FHIT: variants seen among roughly 807,000 people sequenced by gnomAD.
FHIT encodes bis(5'-adenosyl)-triphosphatase.
A neutral mutation model predicts 17.9 loss-of-function variants in FHIT; 19 were observed. The observed-to-expected ratio is 1.06, with a 90% CI of 0.74 to 1.56. The LOEUF (loss-of-function observed/expected upper bound fraction) is 1.56. FHIT is among the 40% of genes most tolerant of loss of function. The pLI, the probability that FHIT is intolerant of heterozygous loss-of-function variation, is 0.00. For missense variants in FHIT, 248 were observed against 189.2 expected, an observed-to-expected ratio of 1.31 and a Z score of -1.82; for synonymous variants, 81 against 69.7, an observed-to-expected ratio of 1.16 and a Z score of -0.81.
chr3:60,700,303 A>G (rs2107906896), intron 4 of FHIT, among the ~76,000 whole-genome samples: 1 of 152,302 alleles, frequency 6.6e-6, no homozygotes, highest in East Asian at 1.9e-4. Context: ...GTTTCATACC[A>G]GTACATACAA....
At chr3:59,813,478 G>A (rs549933707) in intron 8 of FHIT, among the ~76,000 whole-genome samples, 2 of 152,258 alleles carry the variant, frequency 1.3e-5, no homozygotes, top group African/African-American at 4.8e-5. Context: ...TTCCTGGAAC[G>A]CTTACTTAAT....
chr3:60,075,217 G>C (rs775079759), intron 5 of FHIT, among the ~76,000 whole-genome samples: 1 of 152,070 alleles, frequency 6.6e-6, no homozygotes, highest in Non-Finnish European at 1.5e-5. Flanking sequence ...CCTGTCAGGA[G>C]AACCAATGGA....
intron 1 of FHIT, among the ~76,000 whole-genome samples, chr3:61,202,067 T>TAC (rs143994045): frequency 0.12 from 17,385 of 148,648 alleles, 1,108 homozygotes; most frequent in South Asian, 0.22. Flanking sequence ...CGCACATAGA[T>TAC]ACACACACAC....
chr3:60,908,404 A>G (rs1474834467), intron 3 of FHIT, among the ~76,000 whole-genome samples: 3 of 152,210 alleles, frequency 2.0e-5, no homozygotes, highest in Non-Finnish European at 4.4e-5. Context: ...CCATTTCCTC[A>G]GTAGGTAGCC....
At chr3:60,441,037 C>A (rs754903585) in intron 5 of FHIT, among the ~76,000 whole-genome samples, 1 of 151,972 alleles carries the variant, frequency 6.6e-6, no homozygotes, top group Non-Finnish European at 1.5e-5. Flanking sequence ...GCATGTTCAC[C>A]CCTTTTGTTT....
intron 4 of FHIT, among the ~76,000 whole-genome samples, chr3:60,619,082 GCA>G (rs1455599675): frequency 2.0e-5 from 3 of 150,960 alleles, no homozygotes; most frequent in African/African-American, 7.4e-5. Flanking sequence ...ATTTGTTACA[GCA>G]GCAAAGATTA....
At chr3:60,039,859 C>G (rs886443031) in intron 5 of FHIT, among the ~76,000 whole-genome samples, 5 of 152,164 alleles carry the variant, frequency 3.3e-5, no homozygotes, top group African/African-American at 1.2e-4. Context: ...ATTAACCTGT[C>G]AGAGTCTAAA....
At chr3:60,325,028 T>C (rs906082819) in intron 5 of FHIT, among the ~76,000 whole-genome samples, 4 of 152,158 alleles carry the variant, frequency 2.6e-5, no homozygotes, top group African/African-American at 9.7e-5. Flanking sequence ...ACTGTGCTAA[T>C]ATATCCCTGG....
chr3:60,719,178 T>C (rs190195166), intron 4 of FHIT, among the ~76,000 whole-genome samples: 1 of 152,304 alleles, frequency 6.6e-6, no homozygotes, highest in East Asian at 1.9e-4. Flanking sequence ...CAAGAAACAC[T>C]AAATAAGAAC....
chr3:60,323,574 A>C (rs968277527), intron 5 of FHIT, among the ~76,000 whole-genome samples: 1 of 152,118 alleles, frequency 6.6e-6, no homozygotes, highest in Admixed American at 6.5e-5. Context: ...CCACAGGGAG[A>C]GGAGGAAATC....
chr3:60,128,214 A>T (rs1480116008), intron 5 of FHIT, among the ~76,000 whole-genome samples: 1 of 152,158 alleles, frequency 6.6e-6, no homozygotes, highest in Non-Finnish European at 1.5e-5. Context: ...CTCATCTTGA[A>T]TTGTAGTTCC....
chr3:59,780,604 G>A (rs1272162796), intron 8 of FHIT, among the ~76,000 whole-genome samples: 2 of 152,162 alleles, frequency 1.3e-5, no homozygotes, highest in Admixed American at 6.5e-5. Flanking sequence ...TAGGGCCTTC[G>A]CAGAGGTGAT....
chr3:60,806,857 A>G (rs1211087299), intron 4 of FHIT, among the ~76,000 whole-genome samples: 2 of 152,244 alleles, frequency 1.3e-5, no homozygotes, highest in African/African-American at 2.4e-5. Context: ...GCAATCGCAA[A>G]GGTATCTCGT....
intron 1 of FHIT, among the ~76,000 whole-genome samples, chr3:61,209,901 T>C (rs2039399286): frequency 1.3e-5 from 2 of 152,196 alleles, no homozygotes; most frequent in Non-Finnish European, 2.9e-5. Flanking sequence ...ATTTTTAGAG[T>C]TTCCAGTTTT....
intron 5 of FHIT, among the ~76,000 whole-genome samples, chr3:60,152,762 T>G (rs964863304): frequency 6.6e-6 from 1 of 152,200 alleles, no homozygotes; most frequent in Non-Finnish European, 1.5e-5. Flanking sequence ...CAGCAGGGTG[T>G]AAGAATGCCT....
chr3:60,491,073 A>C (rs73833929), intron 5 of FHIT, among the ~76,000 whole-genome samples: 16,737 of 152,194 alleles, frequency 0.11, 1,488 homozygotes, highest in African/African-American at 0.24. Context: ...GCAGTACCAA[A>C]CCCACAAAAC....
In FHIT at chr3:60,700,392, C is replaced by T. The variant is rs373597207; in HGVS notation, c.-18+121527G>A. Among the ~76,000 whole-genome samples, 29 of 152,234 alleles carry T rather than the reference C, an allele frequency of 1.9e-4. 1 individual carries two copies. In the South Asian group the frequency reaches 5.6e-3, roughly 29 times the overall value. On this transcript the variant is annotated intron_variant, in intron 4 of 9. Coordinates refer to ENST00000492590, the MANE Select transcript of FHIT (RefSeq NM_002012.4). ...TTCCAATTAGTCAAATGATTAGATG[C>T]TGCCATATCATGGACATGCTGGACA...
At chr3:59,945,210 G>A (rs1706740118) in intron 7 of FHIT, among the ~76,000 whole-genome samples, 1 of 152,074 alleles carries the variant, frequency 6.6e-6, no homozygotes, top group Non-Finnish European at 1.5e-5. Context: ...GTTAGTAATA[G>A]CCATTCTGAA....
chr3:59,782,905 A>C (rs1346207613), intron 8 of FHIT, among the ~76,000 whole-genome samples: 1 of 152,168 alleles, frequency 6.6e-6, no homozygotes, highest in Admixed American at 6.5e-5. Flanking sequence ...GACAGCAGGA[A>C]GATTGCTGGA....
Sources: gnomAD v4.1 joint callset for allele counts (sites outside exome capture counted in the v4.1 genomes callset) on GRCh38, gnomAD v4.1.1 for gene constraint, MANE v1.5 for transcripts, NCBI Gene and HGNC (gene_info 2026-07-23, HGNC 2026-07-21) for gene names.